Variants in ARB2A observed in about 807,000 individuals in gnomAD.
The protein encoded by ARB2A is ARB2 cotranscriptional regulator A, also known as cotranscriptional regulator ARB2A.
the ARB2A span, among the ~76,000 whole-genome samples, chr5:93,751,995 G>T: frequency 6.6e-6 from 1 of 152,148 alleles, no homozygotes; most frequent in African/African-American, 2.4e-5. Flanking sequence ...CATTTGGGCT[G>T]GGGGGATGTG....
At chr5:93,634,218 C>A in the ARB2A span, among the ~76,000 whole-genome samples, 1 of 151,704 alleles carries the variant, frequency 6.6e-6, no homozygotes, top group Non-Finnish European at 1.5e-5. Flanking sequence ...CTGGCCAACA[C>A]CTGAAACCCC....
chr5:93,774,111 T>C, the ARB2A span, among the ~76,000 whole-genome samples: 1 of 152,294 alleles, frequency 6.6e-6, no homozygotes, highest in Admixed American at 6.5e-5. Flanking sequence ...ACTGTAATTG[T>C]TTTGAGGTGC....
At chr5:93,848,720 A>G in the ARB2A span, among the ~76,000 whole-genome samples, 1 of 152,194 alleles carries the variant, frequency 6.6e-6, no homozygotes, top group Non-Finnish European at 1.5e-5. Context: ...GGCAATCTCA[A>G]TTTTAGGATA....
chr5:93,701,546 A>T, the ARB2A span, among the ~76,000 whole-genome samples: 11 of 151,720 alleles, frequency 7.3e-5, no homozygotes, highest in Admixed American at 7.2e-4. Flanking sequence ...TTATAGTTCT[A>T]TCTCCTTCAA....
the ARB2A span, among the ~76,000 whole-genome samples, chr5:93,890,588 A>G: frequency 6.6e-6 from 1 of 152,020 alleles, no homozygotes; most frequent in South Asian, 2.1e-4. Flanking sequence ...CTGATGTGAA[A>G]TAATATTGAA....
chr5:94,105,968 A>G, the ARB2A span, among the ~76,000 whole-genome samples: 206 of 152,210 alleles, frequency 1.4e-3, 4 homozygotes, highest in Admixed American at 0.011. Flanking sequence ...CTTTTACCAT[A>G]CACAAAAATC....
chr5:93,969,800 TTTAA>T, the ARB2A span, among the ~76,000 whole-genome samples: 96 of 152,256 alleles, frequency 6.3e-4, 1 homozygote, highest in Middle Eastern at 3.4e-3. Context: ...ACTTCAGGTC[TTTAA>T]TTAAATAAGA....
chr5:94,023,461 AAG>A, the ARB2A span, among the ~76,000 whole-genome samples: 1 of 152,240 alleles, frequency 6.6e-6, no homozygotes, highest in African/African-American at 2.4e-5. Flanking sequence ...GGTTCAGAAA[AAG>A]AGAACAATAT....
chr5:93,862,765 A>T, the ARB2A span: 3 of 152,146 alleles, frequency 2.0e-5, no homozygotes, highest in Non-Finnish European at 4.4e-5. Context: ...AACTTTCTAG[A>T]TGATGTTTAG....
chr5:93,682,829 C>A, the ARB2A span: 39 of 1,300,442 alleles, frequency 3.0e-5, no homozygotes, highest in South Asian at 4.6e-4. Flanking sequence ...ATTGTTTAAA[C>A]TATTTTCTTA....
the ARB2A span, among the ~76,000 whole-genome samples, chr5:93,908,484 T>G: frequency 6.6e-6 from 1 of 150,860 alleles, no homozygotes; most frequent in East Asian, 2.0e-4. Flanking sequence ...GTATATTGAT[T>G]TGAGGTATTG....
the ARB2A span, among the ~76,000 whole-genome samples, chr5:93,691,722 T>C: frequency 6.6e-6 from 1 of 151,104 alleles, no homozygotes. Flanking sequence ...AGACACATAA[T>C]TGTCAGATTC....
the ARB2A span, among the ~76,000 whole-genome samples, chr5:94,101,925 G>A: frequency 1.3e-5 from 2 of 150,934 alleles, no homozygotes; most frequent in East Asian, 1.9e-4. Context: ...ACCTACACAC[G>A]TATCCCCAAA....
chr5:93,810,317 A>G, the ARB2A span, among the ~76,000 whole-genome samples: 187 of 151,970 alleles, frequency 1.2e-3, no homozygotes, highest in African/African-American at 4.4e-3. Flanking sequence ...AGATTCCTCA[A>G]TCTTTCTATC....
At chr5:93,749,346 G>A in the ARB2A span, among the ~76,000 whole-genome samples, 1 of 152,154 alleles carries the variant, frequency 6.6e-6, no homozygotes, top group African/African-American at 2.4e-5. Context: ...GGACTGAAGG[G>A]CTAGTGGCAA....
the ARB2A span, among the ~76,000 whole-genome samples, chr5:93,725,043 G>A: frequency 2.6e-5 from 4 of 151,994 alleles, no homozygotes; most frequent in South Asian, 2.1e-4. Context: ...GTAGGATAGC[G>A]TAAGAGTTCA....
the ARB2A span, among the ~76,000 whole-genome samples, chr5:93,954,648 A>T: frequency 6.6e-6 from 1 of 151,750 alleles, no homozygotes; most frequent in Admixed American, 6.6e-5. Context: ...ATCTCAGTAG[A>T]TTGCTTGCTA....
At chr5:94,053,072 T>TATAG in the ARB2A span, 314,709 of 635,684 alleles carry the variant, frequency 0.5, 73,436 homozygotes, top group Admixed American at 0.56. Context: ...TTGCATATAC[T>TATAG]ATAGATAGAT....
At chr5:93,755,450 T>C in the ARB2A span, among the ~76,000 whole-genome samples, 1 of 152,156 alleles carries the variant, frequency 6.6e-6, no homozygotes, top group Non-Finnish European at 1.5e-5. Context: ...GCTTGCATTG[T>C]GAATTCTAGC....
Sources: gnomAD v4.1 joint callset for allele counts (sites outside exome capture counted in the v4.1 genomes callset) on GRCh38, gnomAD v4.1.1 for gene constraint, MANE v1.5 for transcripts, NCBI Gene and HGNC (gene_info 2026-07-23, HGNC 2026-07-21) for gene names.